SLC2A5: variants seen among roughly 807,000 people sequenced by gnomAD.
SLC2A5 encodes solute carrier family 2 member 5, also known as solute carrier family 2, facilitated glucose transporter member 5.
A neutral mutation model predicts 50.3 loss-of-function variants in SLC2A5; 56 were observed. The ratio of observed to expected loss-of-function variants is 1.11; its 90% CI spans 0.90 to 1.39. The LOEUF is 1.39. Among genes scored for constraint, SLC2A5 ranks in the 40% most tolerant of loss-of-function variants. The pLI is 0.00. For synonymous variants in SLC2A5, 269 were observed against 281.9 expected, an observed-to-expected ratio of 0.95 and a Z score of 0.46; for missense variants, 566 against 650.1, an observed-to-expected ratio of 0.87 and a Z score of 1.41.
upstream of SLC2A5, among the ~76,000 whole-genome samples, chr1:9,071,490 C>T (rs1364005023): frequency 6.6e-6 from 1 of 152,258 alleles, no homozygotes; most frequent in African/African-American, 2.4e-5. Flanking sequence ...CTGCTTCTAT[C>T]TAGGCCCAGA....
upstream of SLC2A5, chr1:9,069,786 T>C (rs1557681931): frequency 1.1e-5 from 6 of 551,318 alleles, no homozygotes; most frequent in South Asian, 2.1e-5. Flanking sequence ...AGGCCCAGCA[T>C]TGTCCTGATG....
Position 9,060,344 on chromosome 1 carries a change from G to A in SLC2A5, c.34-2094C>T, listed in dbSNP as rs548698876. Among the ~76,000 whole-genome samples, 418 of 89,012 alleles carry A rather than the reference G, an allele frequency of 4.7e-3. 3 individuals carry two copies. Among genetic ancestry groups the A allele is most frequent in the Admixed American group, 6.6e-3 (36 of 5,438 alleles). The allele number at this position is 89,012 out of a possible 152,430, so 58.4% of individuals were successfully genotyped here. On this transcript the variant is annotated intron_variant, in intron 1 of 11. Coordinates refer to ENST00000377424, the MANE Select transcript of SLC2A5 (RefSeq NM_003039.3). ...ACACTACATACACACAAGCACACAC[G>A]CCCCCCAAATGTACACACACTACAT...
At chr1:9,041,085 CAG>C (rs1641290196) in intron 5 of SLC2A5, 1 of 292,532 alleles carries the variant, frequency 3.4e-6, no homozygotes, top group Non-Finnish European at 6.3e-6. Flanking sequence ...GCACTTTCTA[CAG>C]AGAGTGTCTA....
chr1:9,057,657 G>A (rs936662425), intron 2 of SLC2A5, 49 bp from the exon 3 acceptor site: 30 of 1,561,442 alleles, frequency 1.9e-5, no homozygotes, highest in Non-Finnish European at 2.6e-5. Flanking sequence ...ATCCGGTTTT[G>A]CAAGAAGAAC....
At chr1:9,048,514 AAAAT>A (rs944962404) in intron 3 of SLC2A5, among the ~76,000 whole-genome samples, 4 of 152,162 alleles carry the variant, frequency 2.6e-5, no homozygotes, top group African/African-American at 4.8e-5. Flanking sequence ...TCCACCTCAA[AAAAT>A]AAATAAATAA....
intron 3 of SLC2A5, among the ~76,000 whole-genome samples, chr1:9,053,216 TTA>T (rs1375751465): frequency 4.0e-5 from 3 of 74,160 alleles, no homozygotes; most frequent in African/African-American, 1.7e-4. Context: ...TATTTATATA[TTA>T]TATATTTATA....
intron 10 of SLC2A5, 38 bp downstream of exon 10, chr1:9,038,393 G>C (rs188454115): frequency 1.6e-5 from 23 of 1,474,214 alleles, no homozygotes; most frequent in Middle Eastern, 1.7e-4. Context: ...GGGACCAGGG[G>C]GGGTTGTGAC....
At chr1:9,093,826 A>T in the SLC2A5 span, among the ~76,000 whole-genome samples, 22,098 of 152,050 alleles carry the variant, frequency 0.15, 1,719 homozygotes, top group Middle Eastern at 0.22. Flanking sequence ...CCCTTCCTGC[A>T]CCCCTTCATG....
upstream of SLC2A5, among the ~76,000 whole-genome samples, chr1:9,090,369 A>G (rs149683821): frequency 2.0e-5 from 3 of 152,290 alleles, no homozygotes; most frequent in Non-Finnish European, 4.4e-5. Context: ...CCTAAGCACT[A>G]TATAGTGGTC....
intron 2 of SLC2A5, among the ~76,000 whole-genome samples, chr1:9,077,398 CAA>C (rs555910845): frequency 1.9e-4 from 13 of 70,048 alleles, no homozygotes; most frequent in Non-Finnish European, 3.1e-4. Flanking sequence ...AAACCTGTCT[CAA>C]AAAAAAAAAA....
At chr1:9,044,034 T>C (rs1403468171) in intron 4 of SLC2A5, among the ~76,000 whole-genome samples, 4 of 150,864 alleles carry the variant, frequency 2.7e-5, no homozygotes, top group Non-Finnish European at 5.9e-5. Flanking sequence ...GCTTTTGAAG[T>C]TTAAATTCCT....
intron 7 of SLC2A5, 45 bp downstream of exon 7, chr1:9,039,755 C>T (rs1318763593): frequency 3.5e-6 from 5 of 1,434,828 alleles, no homozygotes; most frequent in East Asian, 2.9e-5. Flanking sequence ...GCGCCCCGCG[C>T]CCCCCGAGCC....
rs1350364380 is a variant in SLC2A5, at chr1:9,058,254, C to T, written c.34-4G>A. The T allele has an allele frequency of 6.2e-7, 1 of 1,610,848 alleles. No individual in the cohort carries two copies. Among genetic ancestry groups the T allele is most frequent in the Non-Finnish European group, 8.5e-7 (1 of 1,177,196 alleles). On this transcript the variant is annotated splice_polypyrimidine_tract_variant and splice_region_variant and intron_variant, in intron 1 of 11. Transcript: ENST00000377424. The stretch of plus-strand genomic sequence containing the variant: ...GGGCAAGCACAAGCGTCAGCCTCTG[C>T]AGAGATCACAGCTTAGGTCAGGAAG...
chr1:9,041,824 G>C lies in SLC2A5; in HGVS notation c.532C>G (p.Gln178Glu). The stretch of plus-strand genomic sequence containing the variant: ...AGGAGATTCCGAAGACCAAAGATCT[G>C]GGCCACAAGGATGCCAACAGTGATG... ...LFITVGILVA[Q>E]IFGLRNLLAN... The change falls in exon 5 of 12, where the codon CAG becomes GAG. Residue 178 changes from glutamine (Q) to glutamate (E), a missense_variant. Coordinates refer to ENST00000377424, the MANE Select transcript of SLC2A5 (RefSeq NM_003039.3). 3 of 1,614,024 alleles carry C rather than the reference G, an allele frequency of 1.9e-6. No homozygotes were observed. Among genetic ancestry groups the C allele is most frequent in the Non-Finnish European group, 2.5e-6 (3 of 1,180,000 alleles).
chr1:9,063,946 C>T lies in SLC2A5; in HGVS notation c.33+5558G>A, dbSNP rs1272625763. ...TCCTGACCTCGTGATCCGCCCGCCT[C>T]GGCCTCCCAAAGTGCTGGGATTACA... is the stretch of plus-strand genomic sequence containing the variant. On this transcript the variant is annotated intron_variant, in intron 1 of 11. Transcript: ENST00000377424. 1.1e-4 allele frequency among the ~76,000 whole-genome samples: 15 copies of T among 130,600 alleles called. 1 individual carries two copies. The highest frequency in any genetic ancestry group is 2.7e-4 in the African/African-American group (8 of 29,668). 85.7% of individuals were successfully genotyped at this position (130,600 alleles called of 152,430 possible). A position where few individuals can be genotyped will look rare whatever the true frequency, so the allele number is the denominator to read the frequency against.
chr1:9,072,132 G>A (rs1482563007), upstream of SLC2A5: 1 of 152,418 alleles, frequency 6.6e-6, no homozygotes, highest in African/African-American at 2.4e-5. Context: ...AACCTTCGTG[G>A]CGGGCGGACC....
At chr1:9,043,848 A>G (rs923900663) in intron 4 of SLC2A5, among the ~76,000 whole-genome samples, 11 of 151,416 alleles carry the variant, frequency 7.3e-5, no homozygotes, top group African/African-American at 2.7e-4. Flanking sequence ...CAGCCTCCTG[A>G]GTAGCTGGGA....
chr1:9,039,396 G>T (rs1641231063), intron 8 of SLC2A5, among the ~76,000 whole-genome samples, 156 bp downstream of exon 8: 1 of 152,200 alleles, frequency 6.6e-6, no homozygotes, highest in Non-Finnish European at 1.5e-5. Flanking sequence ...AGTGTGAGGG[G>T]CTGGTGCGGG....
upstream of SLC2A5, among the ~76,000 whole-genome samples, chr1:9,074,520 A>G (rs1023100005): frequency 9.2e-5 from 14 of 152,194 alleles, 1 homozygote; most frequent in Admixed American, 2.0e-4. Flanking sequence ...AGGTGAACAC[A>G]GAGTAGCTAC....
Sources: gnomAD v4.1 joint callset for allele counts (sites outside exome capture counted in the v4.1 genomes callset) on GRCh38, gnomAD v4.1.1 for gene constraint, MANE v1.5 for transcripts, NCBI Gene and HGNC (gene_info 2026-07-23, HGNC 2026-07-21) for gene names.